MCCC2: variants seen among roughly 807,000 people sequenced by gnomAD.
The protein encoded by MCCC2 is methylcrotonoyl-CoA carboxylase beta chain, mitochondrial.
A neutral mutation model predicts 77.2 loss-of-function variants in MCCC2; 52 were observed. The ratio of observed to expected loss-of-function variants is 0.67; its 90% confidence interval spans 0.54 to 0.85. MCCC2 has a LOEUF of 0.85. Among genes scored for constraint, MCCC2 ranks in the 40% least tolerant of loss-of-function variants. The pLI is 0.00. For missense variants in MCCC2, 682 were observed against 703.2 expected (o/e 0.97, Z 0.34); for synonymous variants, 253 against 248.4 (o/e 1.02, Z -0.18).
intron 6 of MCCC2, 114 bp downstream of exon 6, chr5:71,604,582 C>CAT: frequency 3.0e-6 from 2 of 666,020 alleles, no homozygotes; most frequent in Non-Finnish European, 5.0e-6. Context: ...AAAATCTAAT[C>CAT]TTTTTTTTTT....
At chr5:71,602,467 C>A (rs1456593160) in intron 4 of MCCC2, 39 bp from the exon 5 acceptor site, 2 of 1,613,722 alleles carry the variant, frequency 1.2e-6, no homozygotes, top group South Asian at 2.2e-5. Context: ...TTGAAGAAAT[C>A]TCTTAAATTC....
At chr5:71,632,335 C>A in intron 8 of MCCC2, 150 bp downstream of exon 8, 1 of 773,152 alleles carries the variant, frequency 1.3e-6, no homozygotes, top group Non-Finnish European at 2.2e-6. Flanking sequence ...ATGTTCAATT[C>A]TTTGAACTGT....
intron 6 of MCCC2, among the ~76,000 whole-genome samples, chr5:71,626,390 G>A (rs1022645399): frequency 2.0e-5 from 3 of 152,240 alleles, no homozygotes; most frequent in Admixed American, 6.5e-5. Context: ...TATCAGGCCA[G>A]TCTTCTCTCT....
chr5:71,634,961 C>G lies in MCCC2; in HGVS notation c.822C>G (p.Asp274Glu). Residue 274 changes from aspartate to glutamate, a missense_variant, in exon 9 of 17, where the codon GAC becomes GAG. Asp to Glu is a conservative substitution (Grantham distance 45). Coordinates refer to ENST00000340941, the MANE Select transcript of MCCC2 (RefSeq NM_022132.5). Reference protein sequence around the residue: ...DLHCRKSGVSDHWALDDHHAL... With the variant: ...DLHCRKSGVSEHWALDDHHAL... ...TCTGTAGAAAGTCTGGAGTAAGTGA[C>G]CACTGGGCTTTGGATGATCATCATG... 1 of 1,614,020 alleles carries G rather than the reference C, an allele frequency of 6.2e-7. No homozygotes were observed. The highest frequency in any genetic ancestry group is 8.5e-7 in the Non-Finnish European group (1 of 1,179,972).
At chr5:71,610,343 G>A (rs1348530992) in intron 6 of MCCC2, among the ~76,000 whole-genome samples, 3 of 152,124 alleles carry the variant, frequency 2.0e-5, no homozygotes, top group South Asian at 2.1e-4. Context: ...AGGTGCGTCC[G>A]TCACCCCTTT....
At chr5:71,641,637 T>C (rs914186862) in intron 11 of MCCC2, among the ~76,000 whole-genome samples, 32 of 152,184 alleles carry the variant, frequency 2.1e-4, no homozygotes, top group African/African-American at 7.5e-4. Flanking sequence ...ATCTAAACTG[T>C]TTAGTTTATA....
At position 71,607,385 on chromosome 5, in the gene MCCC2, T is replaced by C. The variant is rs1184320267; in HGVS notation, c.624+2917T>C. Among the ~76,000 whole-genome samples the C allele has an allele frequency of 5.9e-5, 9 of 151,388 alleles. No homozygotes were observed. In the East Asian group the frequency reaches 1.7e-3, roughly 29 times the overall value. Reference sequence around the variant, plus strand: ...GCGTAGAGGTGTTTGTAGTATTCTCTGATGGTAGTTTGTATTTCTGTGGGA... The same window carrying C: ...GCGTAGAGGTGTTTGTAGTATTCTCCGATGGTAGTTTGTATTTCTGTGGGA... On this transcript the variant is annotated intron_variant, in intron 6 of 16. Transcript: ENST00000340941.
chr5:71,630,274 C>A (rs1479452223), intron 7 of MCCC2, among the ~76,000 whole-genome samples: 1 of 152,092 alleles, frequency 6.6e-6, no homozygotes, highest in Non-Finnish European at 1.5e-5. Context: ...CTTTTAGTAG[C>A]TTAGAGTAGT....
At chr5:71,594,677 G>A (rs1745105727) in intron 2 of MCCC2, among the ~76,000 whole-genome samples, 1 of 152,046 alleles carries the variant, frequency 6.6e-6, no homozygotes, top group Non-Finnish European at 1.5e-5. Flanking sequence ...GACTCCCTGG[G>A]GAAGGAGGTA....
intron 1 of MCCC2, among the ~76,000 whole-genome samples, chr5:71,591,522 C>T (rs764079490): frequency 1.0e-4 from 15 of 150,622 alleles, no homozygotes; most frequent in African/African-American, 2.4e-4. Context: ...CTGCAACCTC[C>T]GCCTCCCGGG....
chr5:71,649,256 A>G lies in MCCC2; in HGVS notation c.1373+3A>G, dbSNP rs751678064. 6 of 1,613,074 alleles carry G rather than the reference A, an allele frequency of 3.7e-6. No individual in the cohort carries two copies. Among genetic ancestry groups the G allele is most frequent in the Non-Finnish European group, 5.1e-6 (6 of 1,179,084 alleles). On this transcript the variant is annotated splice_donor_region_variant and intron_variant, in intron 14 of 16. Coordinates refer to ENST00000340941, the MANE Select transcript of MCCC2 (RefSeq NM_022132.5). ...GGGATGTGTGGCAGAGCATATAGGTAGGTGTCATGATTTTCTCTGAAACAA... is the reference window on the plus strand; with the variant it reads ...GGGATGTGTGGCAGAGCATATAGGTGGGTGTCATGATTTTCTCTGAAACAA...
chr5:71,596,281 A>G lies in MCCC2; in HGVS notation c.198A>G (p.Gly66=), dbSNP rs1745184351. ...LHERVEHIKL[G]GGEKARALHI... ...AATCTAATCACATTTCTATCATAGG[A>G]GGTGGTGAGAAAGCCCGAGCACTTC... Residue 66 remains glycine (G), a splice_region_variant and synonymous_variant, in exon 3 of 17, where the codon GGA becomes GGG. Transcript: ENST00000340941. The G allele has an allele frequency of 1.9e-6, 3 of 1,613,398 alleles. No homozygotes were observed. The highest frequency in any genetic ancestry group is 2.5e-6 in the Non-Finnish European group (3 of 1,179,370).
chr5:71,640,908 C>G (rs771509126), intron 10 of MCCC2, 95 bp from the exon 11 acceptor site: 1 of 1,071,360 alleles, frequency 9.3e-7, no homozygotes. Context: ...GTGAAAGTGA[C>G]AACTTCACTG....
chr5:71,626,614 G>A, intron 6 of MCCC2, 26 bp from the exon 7 acceptor site: 1 of 1,566,886 alleles, frequency 6.4e-7, no homozygotes, highest in Non-Finnish European at 8.8e-7. Flanking sequence ...TGCATCTCAT[G>A]TGTTTGTCGT....
At chr5:71,610,434 G>A (rs1179210610) in intron 6 of MCCC2, among the ~76,000 whole-genome samples, 5 of 151,980 alleles carry the variant, frequency 3.3e-5, no homozygotes, top group Admixed American at 6.6e-5. Flanking sequence ...GCTCGCACAC[G>A]GTGCGCGCAC....
intron 1 of MCCC2, among the ~76,000 whole-genome samples, chr5:71,592,683 G>A (rs1024507249): frequency 6.6e-5 from 10 of 152,162 alleles, no homozygotes; most frequent in African/African-American, 2.4e-4. Flanking sequence ...TTACAGAGGA[G>A]TAAGATATGG....
chr5:71,616,690 A>T (rs769456857), intron 6 of MCCC2, among the ~76,000 whole-genome samples: 1 of 152,158 alleles, frequency 6.6e-6, no homozygotes, highest in African/African-American at 2.4e-5. Flanking sequence ...ACTTGATGTC[A>T]TCCTTGGCTC....
At chr5:71,599,871 A>G in intron 4 of MCCC2, 111 bp downstream of exon 4, 1 of 855,840 alleles carries the variant, frequency 1.2e-6, no homozygotes. Flanking sequence ...TGCTATTTAT[A>G]TTATGTAGGA....
intron 16 of MCCC2, among the ~76,000 whole-genome samples, chr5:71,656,002 G>A (rs1253274145): frequency 2.0e-5 from 3 of 152,182 alleles, no homozygotes; most frequent in African/African-American, 7.2e-5. Context: ...ATCACCTGAG[G>A]TCAGGAGTTC....
Sources: gnomAD v4.1 joint callset for allele counts (sites outside exome capture counted in the v4.1 genomes callset) on GRCh38, gnomAD v4.1.1 for gene constraint, MANE v1.5 for transcripts, NCBI Gene and HGNC (gene_info 2026-07-23, HGNC 2026-07-21) for gene names.